SV2B: variants seen among roughly 807,000 people sequenced by gnomAD.
The protein encoded by SV2B is solute carrier family 22 member B2.
SV2B carries 41 observed loss-of-function variants against 73.9 expected under a neutral mutation model. The observed-to-expected ratio is 0.56, with a 90% CI of 0.43 to 0.72. The LOEUF is 0.72. Ranked by LOEUF, SV2B falls within the 30% of genes least tolerant of loss-of-function variation. The pLI, the probability that SV2B is intolerant of heterozygous loss-of-function variation, is 0.00. For missense variants in SV2B, 764 were observed against 857.8 expected (o/e 0.89, Z 1.37); for synonymous variants, 314 against 314.2 (o/e 1.00, Z 0.01).
chr15:91,167,588 G>A (rs1421386528), intron 1 of SV2B, among the ~76,000 whole-genome samples: 1 of 151,988 alleles, frequency 6.6e-6, no homozygotes, highest in Non-Finnish European at 1.5e-5. Context: ...GTCTGATTCT[G>A]ATCCTCCTGC....
intron 1 of SV2B, among the ~76,000 whole-genome samples, chr15:91,196,776 G>C (rs1197915896): frequency 2.0e-5 from 3 of 152,160 alleles, no homozygotes; most frequent in Admixed American, 2.0e-4. Flanking sequence ...AGGTTTGTTG[G>C]GGTGAAATTG....
At chr15:91,218,051 A>C (rs2046093708) in intron 1 of SV2B, among the ~76,000 whole-genome samples, 1 of 152,222 alleles carries the variant, frequency 6.6e-6, no homozygotes, top group Non-Finnish European at 1.5e-5. Flanking sequence ...AGTGGCTGAG[A>C]CCCCTATAAT....
chr15:91,278,189 C>T (rs764648990), intron 9 of SV2B, among the ~76,000 whole-genome samples: 62 of 152,254 alleles, frequency 4.1e-4, no homozygotes, highest in Admixed American at 1.3e-3. Context: ...AGTAAAAGTA[C>T]GCCCCGTTTA....
At position 91,252,471 on chromosome 15, in the gene SV2B, T is replaced by C. The variant is rs147095554; in HGVS notation, c.735T>C (p.Thr245=). ...GTTGGCTGGGCATCTTCTGGATGAC[T>C]GGGGGCCTGTACGCATCTGCCATGG... ...HLSWLGIFWM[T]GGLYASAMAW... is the part of the protein sequence containing the mutation. The change falls in exon 4 of 13, where the codon ACT becomes ACC. Residue 245 remains threonine (T), a synonymous_variant. Coordinates refer to ENST00000394232, the MANE Select transcript of SV2B (RefSeq NM_001323032.3). The surrounding 1 kb of genome is among the most constrained non-coding windows in gnomAD (Gnocchi z 4.6). The C allele has an allele frequency of 5.6e-6, 9 of 1,613,748 alleles. No individual in the cohort carries two copies. The African/African-American group carries it at 1.1e-4, about 19-fold the overall frequency.
At chr15:91,131,131 G>A (rs1199118737) in intron 1 of SV2B, among the ~76,000 whole-genome samples, 1 of 146,930 alleles carries the variant, frequency 6.8e-6, no homozygotes, top group Admixed American at 7.1e-5. Flanking sequence ...GAGATTCAGG[G>A]AAAAGATGTT....
At chr15:91,151,166 G>A (rs1327335081) in intron 1 of SV2B, among the ~76,000 whole-genome samples, 2 of 152,190 alleles carry the variant, frequency 1.3e-5, no homozygotes, top group African/African-American at 4.8e-5. Flanking sequence ...TCAAGCCTGT[G>A]TGTCTATTCA....
intron 1 of SV2B, among the ~76,000 whole-genome samples, chr15:91,200,672 G>A (rs2045427359): frequency 6.6e-6 from 1 of 152,158 alleles, no homozygotes; most frequent in Non-Finnish European, 1.5e-5. Flanking sequence ...ACTTTGGGAG[G>A]CCAAGACAAG....
At chr15:91,201,019 TA>T in intron 1 of SV2B, among the ~76,000 whole-genome samples, 1 of 152,326 alleles carries the variant, frequency 6.6e-6, no homozygotes, top group South Asian at 2.1e-4. Flanking sequence ...TGTCATAAGA[TA>T]ACCATTTTAT....
At chr15:91,120,627 A>G (rs2042305962) in intron 1 of SV2B, among the ~76,000 whole-genome samples, 1 of 152,102 alleles carries the variant, frequency 6.6e-6, no homozygotes, top group South Asian at 2.1e-4. Context: ...CAGCCTGGGC[A>G]ACAGGGTGAA....
chr15:91,276,256 T>C (rs2048483623), intron 9 of SV2B, among the ~76,000 whole-genome samples: 2 of 152,080 alleles, frequency 1.3e-5, no homozygotes, highest in Admixed American at 1.3e-4. Flanking sequence ...TTGAATATCA[T>C]GTGCTTAGGT....
intron 2 of SV2B, among the ~76,000 whole-genome samples, chr15:91,248,200 AGTCC>A (rs1427567000): frequency 6.6e-6 from 1 of 152,124 alleles, no homozygotes; most frequent in East Asian, 1.9e-4. Context: ...GGGCGCCTGT[AGTCC>A]CAGCTACTAG....
chr15:91,133,280 A>G (rs1259816551), intron 1 of SV2B, among the ~76,000 whole-genome samples: 1 of 152,228 alleles, frequency 6.6e-6, no homozygotes, highest in East Asian at 1.9e-4. Flanking sequence ...TGCACTAGGA[A>G]GCAAAGGGTT....
chr15:91,146,987 A>G lies in SV2B; in HGVS notation c.-392+46624A>G, dbSNP rs575511957. ...AATGTTTGCAAAGCTTCTGAGCCAT[A>G]TAACTCAATTCATGAGCCTACACGT... On this transcript the variant is annotated intron_variant, in intron 1 of 12. Transcript: ENST00000394232. Among the ~76,000 whole-genome samples, 73 of 152,306 alleles carry G rather than the reference A, an allele frequency of 4.8e-4. 3 individuals carry two copies. The South Asian group carries it at 0.012, about 26-fold the overall frequency.
At position 91,295,315 on chromosome 15, in the gene SV2B, A is replaced by C. The variant is rs921490044; in HGVS notation, c.*2763A>C. On this transcript the variant is annotated 3_prime_UTR_variant, in exon 13 of 13. Transcript: ENST00000394232. ...TGCCTATCTGTGAAGTTTGTAGTAC[A>C]TCATCCTGAGGTCATGTAACAAGTA... 5 of 152,098 alleles carry C rather than the reference A, an allele frequency of 3.3e-5. No homozygotes were observed. Among genetic ancestry groups the C allele is most frequent in the African/African-American group, 1.2e-4 (5 of 41,428 alleles). 9.4% of individuals were successfully genotyped at this position (152,098 alleles called of 1,614,324 possible).
At chr15:91,169,243 T>C (rs2044031285) in intron 1 of SV2B, among the ~76,000 whole-genome samples, 1 of 152,200 alleles carries the variant, frequency 6.6e-6, no homozygotes, top group South Asian at 2.1e-4. Flanking sequence ...TGAAGTAGCC[T>C]CATCAGTGTA....
At position 91,226,514 on chromosome 15, in the gene SV2B, G is replaced by A. The variant is rs2046385676; in HGVS notation, c.251G>A (p.Arg84Lys). ...GGCCAGACAGACCTGATGGCTGAGA[G>A]GCTGGAAGATGAGGAGCAGTTGGCC... is the stretch of plus-strand genomic sequence containing the variant. ...LRGQTDLMAE[R>K]LEDEEQLAHQ... is the part of the protein sequence containing the mutation. Residue 84 changes from arginine to lysine, a missense_variant, in exon 2 of 13, where the codon AGG becomes AAG. By Grantham distance (26) the Arg-to-Lys change is conservative. Coordinates refer to ENST00000394232, the MANE Select transcript of SV2B (RefSeq NM_001323032.3). 3.7e-6 allele frequency: 6 copies of A among 1,614,104 alleles called. No individual in the cohort carries two copies. The highest frequency in any genetic ancestry group is 5.1e-6 in the Non-Finnish European group (6 of 1,180,036).
In SV2B at chr15:91,121,601, C is replaced by T. The variant is rs1242648636; in HGVS notation, c.-392+21238C>T. On this transcript the variant is annotated intron_variant, in intron 1 of 12. Transcript: ENST00000394232. The surrounding 1 kb of genome is among the most constrained non-coding windows in gnomAD (Gnocchi z 4.4). ...ATGTGGGCAAACCGAGCAGGGCACC[C>T]ATTAGCTGGAAGGGAAGAAAGCAGA... Among the ~76,000 whole-genome samples the T allele has an allele frequency of 6.6e-6, 1 of 152,008 alleles. No individual in the cohort carries two copies. Among genetic ancestry groups the T allele is most frequent in the Non-Finnish European group, 1.5e-5 (1 of 68,008 alleles).
intron 1 of SV2B, among the ~76,000 whole-genome samples, chr15:91,134,691 G>T (rs1195109057): frequency 6.6e-6 from 1 of 152,180 alleles, no homozygotes; most frequent in Non-Finnish European, 1.5e-5. Context: ...TCATGGTCCT[G>T]TTGGAGTAAC....
chr15:91,148,442 C>A (rs754898820), intron 1 of SV2B, among the ~76,000 whole-genome samples: 2 of 152,072 alleles, frequency 1.3e-5, no homozygotes, highest in Admixed American at 6.5e-5. Context: ...AAGTGAGAAG[C>A]GATGAGGCGT....
Sources: allele counts gnomAD v4.1 joint callset (sites outside exome capture counted in the v4.1 genomes callset), GRCh38; gene constraint gnomAD v4.1.1; non-coding constraint Gnocchi (gnomAD v3.1); transcripts MANE v1.5; gene names NCBI Gene and HGNC (gene_info 2026-07-23, HGNC 2026-07-21).